The following KCNJ6 variants were observed in gnomAD, a reference collection of about 807,000 sequenced individuals.
The protein encoded by KCNJ6 is potassium inwardly rectifying channel subfamily J member 6.
A neutral mutation model predicts 34.2 loss-of-function variants in KCNJ6; 9 were observed. The observed-to-expected ratio is 0.26, with a 90% CI of 0.16 to 0.46. KCNJ6 has a LOEUF of 0.46. Among genes scored for constraint, KCNJ6 ranks in the 20% least tolerant of loss-of-function variants. The pLI, the probability that KCNJ6 is intolerant of heterozygous loss-of-function variation, is 1.00. For synonymous variants in KCNJ6, 196 were observed against 207.1 expected, an observed-to-expected ratio of 0.95 and a Z score of 0.46; for missense variants, 236 against 531.3, an observed-to-expected ratio of 0.44 and a Z score of 5.46.
chr21:37,717,321 G>A (rs930381864), intron 2 of KCNJ6: 1 of 152,400 alleles, frequency 6.6e-6, no homozygotes, highest in East Asian at 1.9e-4. Context: ...GAGGGCTGGA[G>A]GTGGGGTGGG....
At chr21:37,697,580 C>T (rs891652948) in intron 3 of KCNJ6, among the ~76,000 whole-genome samples, 3 of 152,148 alleles carry the variant, frequency 2.0e-5, no homozygotes, top group Admixed American at 2.0e-4. Flanking sequence ...AGGAATTAAG[C>T]CAAACCACAT....
intron 3 of KCNJ6, among the ~76,000 whole-genome samples, chr21:37,665,750 A>ATC (rs1198060757): frequency 6.6e-6 from 1 of 152,248 alleles, no homozygotes; most frequent in East Asian, 1.9e-4. Flanking sequence ...CAATTTTTGT[A>ATC]GCCGAGCGTT....
At chr21:37,774,944 G>T (rs11700661) in intron 2 of KCNJ6, among the ~76,000 whole-genome samples, 26,511 of 152,138 alleles carry the variant, frequency 0.17, 2,977 homozygotes, top group South Asian at 0.26. Flanking sequence ...CACAATGGTT[G>T]AACTAGTTTA....
At chr21:37,847,150 A>G (rs1396713941) in intron 1 of KCNJ6, among the ~76,000 whole-genome samples, 1 of 152,226 alleles carries the variant, frequency 6.6e-6, no homozygotes, top group Non-Finnish European at 1.5e-5. Flanking sequence ...ATACATAAAA[A>G]TATAATATGA....
At chr21:37,760,330 G>T (rs2055054491) in intron 2 of KCNJ6, among the ~76,000 whole-genome samples, 1 of 152,208 alleles carries the variant, frequency 6.6e-6, no homozygotes, top group Non-Finnish European at 1.5e-5. Context: ...GAGCCACAGA[G>T]AATTTACACG....
intron 3 of KCNJ6, among the ~76,000 whole-genome samples, chr21:37,704,677 C>T (rs924670198): frequency 7.2e-5 from 11 of 152,142 alleles, no homozygotes; most frequent in African/African-American, 2.7e-4. Context: ...TCATCATCAT[C>T]ATCATCATCT....
At chr21:37,897,560 GC>G (rs1256416742) in intron 1 of KCNJ6, among the ~76,000 whole-genome samples, 2 of 152,154 alleles carry the variant, frequency 1.3e-5, no homozygotes, top group African/African-American at 4.8e-5. Flanking sequence ...TGCTCTCCGT[GC>G]CCTGTGGCCT....
chr21:37,868,619 A>T (rs1205077363), intron 1 of KCNJ6, among the ~76,000 whole-genome samples: 1 of 152,218 alleles, frequency 6.6e-6, no homozygotes, highest in Non-Finnish European at 1.5e-5. Context: ...GTAGCGGTCC[A>T]TGCATGTTTA....
At chr21:37,838,534 ATCC>A (rs2055463342) in intron 2 of KCNJ6, among the ~76,000 whole-genome samples, 1 of 152,190 alleles carries the variant, frequency 6.6e-6, no homozygotes, top group South Asian at 2.1e-4. Context: ...TAAGCCACTG[ATCC>A]TCCTGTCATT....
intron 1 of KCNJ6, among the ~76,000 whole-genome samples, chr21:37,884,020 T>C (rs1271544128): frequency 1.3e-5 from 2 of 152,106 alleles, no homozygotes; most frequent in Non-Finnish European, 2.9e-5. Flanking sequence ...GATGCATCTG[T>C]GGTAAGTCTA....
At chr21:37,671,489 A>G (rs945825793) in intron 3 of KCNJ6, among the ~76,000 whole-genome samples, 2 of 152,224 alleles carry the variant, frequency 1.3e-5, no homozygotes, top group Non-Finnish European at 2.9e-5. Flanking sequence ...ATAAATGGGT[A>G]GGTGTAAGTA....
intron 1 of KCNJ6, among the ~76,000 whole-genome samples, chr21:37,860,325 G>A (rs748754425): frequency 7.2e-5 from 11 of 152,048 alleles, no homozygotes; most frequent in East Asian, 1.9e-4. Flanking sequence ...GTTCTAAGCC[G>A]ATCCCACATC....
intron 1 of KCNJ6, among the ~76,000 whole-genome samples, chr21:37,884,114 G>A (rs560102879): frequency 1.1e-4 from 17 of 152,342 alleles, no homozygotes; most frequent in Non-Finnish European, 2.1e-4. Flanking sequence ...CTTTGCTCGT[G>A]TAGAAATCTT....
At chr21:37,654,900 T>TC (rs151165652) in intron 3 of KCNJ6, among the ~76,000 whole-genome samples, 2 of 152,104 alleles carry the variant, frequency 1.3e-5, no homozygotes, top group Non-Finnish European at 2.9e-5. Flanking sequence ...GGCATGGACA[T>TC]CCCCAAGGCC....
chr21:37,806,549 G>C (rs2123537083), intron 2 of KCNJ6, among the ~76,000 whole-genome samples: 1 of 152,294 alleles, frequency 6.6e-6, no homozygotes. Context: ...TCATGCTGAG[G>C]AGATTTATTG....
intron 2 of KCNJ6, among the ~76,000 whole-genome samples, chr21:37,761,443 ATT>A (rs1307227772): frequency 1.5e-5 from 2 of 134,256 alleles, no homozygotes; most frequent in South Asian, 2.4e-4. Flanking sequence ...GTGTGTGTAT[ATT>A]TGTGTGTGTT....
chr21:37,892,988 G>C (rs183138326), intron 1 of KCNJ6, among the ~76,000 whole-genome samples: 2 of 151,670 alleles, frequency 1.3e-5, no homozygotes, highest in Non-Finnish European at 2.9e-5. Flanking sequence ...GAGTAGCTGG[G>C]ACTACAGGCG....
chr21:37,866,040 A>T (rs927712534), intron 1 of KCNJ6, among the ~76,000 whole-genome samples: 51 of 152,180 alleles, frequency 3.4e-4, no homozygotes, highest in African/African-American at 1.1e-3. Context: ...TATTTTGTGG[A>T]TGTGATCATA....
At chr21:37,685,477 T>G (rs1256692392) in intron 3 of KCNJ6, among the ~76,000 whole-genome samples, 1 of 120,604 alleles carries the variant, frequency 8.3e-6, no homozygotes, top group African/African-American at 2.9e-5. Context: ...TTCAGGAGAT[T>G]GAGAACATCC....
Sources: allele counts gnomAD v4.1 joint callset (sites outside exome capture counted in the v4.1 genomes callset), GRCh38; gene constraint gnomAD v4.1.1; transcripts MANE v1.5; gene names NCBI Gene and HGNC (gene_info 2026-07-23, HGNC 2026-07-21).